CHLSN: variants seen among roughly 807,000 people sequenced by gnomAD.
CHLSN encodes the protein cholesin.
At chr7:1,084,693 A>G in the CHLSN span, among the ~76,000 whole-genome samples, 1 of 152,230 alleles carries the variant, frequency 6.6e-6, no homozygotes, top group Admixed American at 6.5e-5. Context: ...AGAACCGTGT[A>G]GACCCACGCA....
chr7:986,786 C>T, the CHLSN span: 4 of 1,571,522 alleles, frequency 2.5e-6, no homozygotes, highest in Non-Finnish European at 2.6e-6. Flanking sequence ...CGCCCTGATC[C>T]AGCAGGGACA....
the CHLSN span, chr7:1,057,540 G>T: frequency 1.3e-6 from 1 of 772,128 alleles, no homozygotes. Flanking sequence ...CTGGTTCAAC[G>T]GCACAGGGCT....
At chr7:997,583 C>A in the CHLSN span, 1 of 1,437,688 alleles carries the variant, frequency 7.0e-7, no homozygotes, top group Non-Finnish European at 9.1e-7. Context: ...TGGTCTGAGG[C>A]AGCCCTGCAC....
the CHLSN span, among the ~76,000 whole-genome samples, chr7:1,010,382 C>T: frequency 3.9e-5 from 6 of 152,206 alleles, no homozygotes; most frequent in East Asian, 1.2e-3. Flanking sequence ...GATTAACTGC[C>T]CAGAGGCCCC....
At chr7:1,077,421 C>T in the CHLSN span, among the ~76,000 whole-genome samples, 1 of 152,238 alleles carries the variant, frequency 6.6e-6, no homozygotes, top group African/African-American at 2.4e-5. Context: ...TCCCAGAGTG[C>T]TGGGATTACA....
At chr7:1,129,257 G>A in the CHLSN span, among the ~76,000 whole-genome samples, 63 of 14,862 alleles carry the variant, frequency 4.2e-3, 6 homozygotes, top group Admixed American at 7.5e-3. Flanking sequence ...ACCGTCACCC[G>A]GGCTGGAGTG....
At chr7:987,290 G>A in the CHLSN span, 2 of 1,509,152 alleles carry the variant, frequency 1.3e-6, no homozygotes, top group East Asian at 2.5e-5. Flanking sequence ...TGCCCCCGGG[G>A]GACCCCCAGG....
the CHLSN span, among the ~76,000 whole-genome samples, chr7:1,098,173 G>A: frequency 1.1e-4 from 17 of 152,208 alleles, no homozygotes; most frequent in Admixed American, 2.0e-4. Context: ...GGGACTGTGC[G>A]AGTCACCCCC....
chr7:1,016,775 G>A, the CHLSN span, among the ~76,000 whole-genome samples: 23 of 72,754 alleles, frequency 3.2e-4, 1 homozygote, highest in Middle Eastern at 0.033. Flanking sequence ...ACAGCGCACA[G>A]CAGCGCACAG....
chr7:1,082,434 G>A, the CHLSN span, among the ~76,000 whole-genome samples: 32 of 152,330 alleles, frequency 2.1e-4, no homozygotes, highest in African/African-American at 6.5e-4. Flanking sequence ...TTCATGGGCC[G>A]TTGGTCTGAG....
the CHLSN span, among the ~76,000 whole-genome samples, chr7:1,072,312 A>G: frequency 1.3e-5 from 2 of 152,140 alleles, no homozygotes; most frequent in African/African-American, 4.8e-5. Context: ...AAAACGTCCA[A>G]AGCACGCACG....
the CHLSN span, among the ~76,000 whole-genome samples, chr7:1,070,876 GTGCACA>G: frequency 7.1e-6 from 1 of 140,366 alleles, no homozygotes; most frequent in Non-Finnish European, 1.5e-5. Context: ...GTGCGCACAC[GTGCACA>G]TGCACACACG....
the CHLSN span, among the ~76,000 whole-genome samples, chr7:1,086,090 G>T: frequency 1.3e-5 from 2 of 152,238 alleles, no homozygotes; most frequent in Non-Finnish European, 2.9e-5. Context: ...AGGAAATCTA[G>T]GAGTATCGGC....
chr7:1,029,550 C>T, the CHLSN span, among the ~76,000 whole-genome samples: 22 of 152,348 alleles, frequency 1.4e-4, no homozygotes, highest in Admixed American at 6.5e-4. Context: ...TACAAGCATG[C>T]ACCACGGTGC....
the CHLSN span, chr7:1,138,014 GGCCGC>G: frequency 1.7e-5 from 2 of 115,724 alleles, no homozygotes; most frequent in African/African-American, 3.8e-5. Context: ...CGGCCGCACC[GGCCGC>G]ACCAGCCTCC....
At chr7:1,042,069 C>T in the CHLSN span, among the ~76,000 whole-genome samples, 13 of 152,020 alleles carry the variant, frequency 8.6e-5, no homozygotes, top group African/African-American at 3.1e-4. Flanking sequence ...GGGCATCCCC[C>T]ACCCGCAACA....
chr7:1,015,289 C>T, the CHLSN span, among the ~76,000 whole-genome samples: 31 of 151,910 alleles, frequency 2.0e-4, no homozygotes, highest in East Asian at 1.2e-3. Flanking sequence ...GTGGGCTCCC[C>T]GTCCCCCGGG....
the CHLSN span, chr7:1,137,373 T>A: frequency 0.014 from 2,087 of 152,642 alleles, 88 homozygotes; most frequent in East Asian, 0.17. Context: ...GGAAGTTCAC[T>A]AGATCACAGA....
the CHLSN span, among the ~76,000 whole-genome samples, chr7:1,006,291 C>T: frequency 6.6e-6 from 1 of 152,206 alleles, no homozygotes; most frequent in East Asian, 1.9e-4. Flanking sequence ...ACAGTCACAG[C>T]ACAGGGAAAG....
Sources: gnomAD v4.1 joint callset for allele counts (sites outside exome capture counted in the v4.1 genomes callset) on GRCh38, gnomAD v4.1.1 for gene constraint, MANE v1.5 for transcripts, NCBI Gene and HGNC (gene_info 2026-07-23, HGNC 2026-07-21) for gene names.